The following PPM1E variants were observed in gnomAD, a reference collection of about 807,000 sequenced individuals.
The protein encoded by PPM1E is protein phosphatase 1E.
PPM1E carries 20 observed loss-of-function variants against 65.9 expected under a neutral mutation model. The observed-to-expected ratio is 0.30, with a 90% CI of 0.21 to 0.44. The LOEUF is 0.44. PPM1E is among the 20% of genes least tolerant of loss of function. The pLI is 1.00. For missense variants in PPM1E, 713 were observed against 953.1 expected, an observed-to-expected ratio of 0.75 and a Z score of 3.32; for synonymous variants, 352 against 374.9, an observed-to-expected ratio of 0.94 and a Z score of 0.70.
intron 2 of PPM1E, among the ~76,000 whole-genome samples, chr17:58,964,620 G>C (rs1842954252): frequency 6.6e-6 from 1 of 152,082 alleles, no homozygotes; most frequent in Admixed American, 6.6e-5. Context: ...TTTCTATCTA[G>C]GATCACACGC....
rs2051248068 is a variant in PPM1E, at chr17:58,884,916, A to G, written c.465-70733A>G. Among the ~76,000 whole-genome samples the G allele has an allele frequency of 4.6e-5, 7 of 152,070 alleles. 1 individual carries two copies. The South Asian group carries it at 1.5e-3, about 32-fold the overall frequency. ...TCTTTTCTCTGTCTTATTTTCCTAG[A>G]ACTCCTGTTAGTAAAATATTAATCT... On this transcript the variant is annotated intron_variant, in intron 1 of 6. Coordinates refer to ENST00000308249, the MANE Select transcript of PPM1E (RefSeq NM_014906.5).
chr17:58,969,549 A>G lies in PPM1E; in HGVS notation c.794A>G (p.Glu265Gly). The G allele has an allele frequency of 6.2e-7, 1 of 1,614,186 alleles. No homozygotes were observed. The highest frequency in any genetic ancestry group is 8.5e-7 in the Non-Finnish European group (1 of 1,180,012). ...TGTTTCTGTTGACAGGACCAGGAAG[A>G]ACAAGCTTACTTTGCAGTGTTTGAT... is the stretch of plus-strand genomic sequence containing the variant. ...NMLFNLEDQE[E>G]QAYFAVFDGH... The change falls in exon 4 of 7, where the codon GAA becomes GGA. Residue 265 changes from glutamate (E) to glycine (G), a missense_variant. By Grantham distance (98) the Glu-to-Gly change is moderately conservative. Transcript: ENST00000308249.
chr17:58,875,795 T>C (rs960079328), intron 1 of PPM1E, among the ~76,000 whole-genome samples: 1 of 152,094 alleles, frequency 6.6e-6, no homozygotes, highest in Non-Finnish European at 1.5e-5. Context: ...CCGTGGATAA[T>C]GCAGGAAAGG....
At chr17:58,827,819 G>A (rs1230192427) in intron 1 of PPM1E, among the ~76,000 whole-genome samples, 9 of 144,636 alleles carry the variant, frequency 6.2e-5, no homozygotes, top group South Asian at 4.5e-4. Flanking sequence ...GGAGAATGGC[G>A]TGAACCCGGG....
intron 1 of PPM1E, among the ~76,000 whole-genome samples, chr17:58,793,573 G>A (rs2144260140): frequency 6.6e-6 from 1 of 151,660 alleles, no homozygotes; most frequent in Middle Eastern, 3.4e-3. Context: ...AGCCAGGATG[G>A]TCTCGATCTC....
At chr17:58,802,301 T>G (rs1002583238) in intron 1 of PPM1E, among the ~76,000 whole-genome samples, 1 of 152,216 alleles carries the variant, frequency 6.6e-6, no homozygotes, top group African/African-American at 2.4e-5. Context: ...CCTTTCCCTG[T>G]TGTATCTTCT....
At chr17:58,883,558 A>G (rs2051229298) in intron 1 of PPM1E, among the ~76,000 whole-genome samples, 1 of 136,290 alleles carries the variant, frequency 7.3e-6, no homozygotes, top group African/African-American at 2.8e-5. Context: ...ATCTCGGCTC[A>G]CTGCAAGCTC....
chr17:58,919,187 T>C (rs12938325), intron 1 of PPM1E, among the ~76,000 whole-genome samples: 1 of 152,114 alleles, frequency 6.6e-6, no homozygotes, highest in Non-Finnish European at 1.5e-5. Flanking sequence ...TGGATAGGAA[T>C]AGTCATTGTA....
At chr17:58,838,088 A>G (rs1422739295) in intron 1 of PPM1E, among the ~76,000 whole-genome samples, 6 of 152,260 alleles carry the variant, frequency 3.9e-5, no homozygotes, top group Non-Finnish European at 8.8e-5. Flanking sequence ...TGCATAACTT[A>G]TAAGACTTCT....
intron 1 of PPM1E, among the ~76,000 whole-genome samples, chr17:58,787,020 TTAAA>T (rs1369914185): frequency 1.3e-5 from 2 of 152,210 alleles, no homozygotes; most frequent in Non-Finnish European, 2.9e-5. Context: ...GTAGAGGGTG[TTAAA>T]TAAATTGGCC....
At chr17:58,813,369 G>A (rs1441626042) in intron 1 of PPM1E, among the ~76,000 whole-genome samples, 2 of 152,168 alleles carry the variant, frequency 1.3e-5, no homozygotes, top group African/African-American at 4.8e-5. Flanking sequence ...GTAGAGAAAA[G>A]CTCAATCTAA....
chr17:58,824,939 A>G (rs1181720047), intron 1 of PPM1E, among the ~76,000 whole-genome samples: 2 of 151,762 alleles, frequency 1.3e-5, no homozygotes, highest in East Asian at 3.9e-4. Context: ...GCATTGTATT[A>G]CTGTGGAGAG....
chr17:58,816,828 C>G lies in PPM1E; in HGVS notation c.464+60367C>G, dbSNP rs1346884190. Among the ~76,000 whole-genome samples, 2 of 121,734 alleles carry G rather than the reference C, an allele frequency of 1.6e-5. 1 individual carries two copies. The highest frequency in any genetic ancestry group is 3.2e-5 in the Non-Finnish European group (2 of 62,102). The allele number at this position is 121,734 out of a possible 152,430, so 79.9% of individuals were successfully genotyped here. A position where few individuals can be genotyped will look rare whatever the true frequency, so the allele number is the denominator to read the frequency against. On this transcript the variant is annotated intron_variant, in intron 1 of 6. Coordinates refer to ENST00000308249, the MANE Select transcript of PPM1E (RefSeq NM_014906.5). Reference sequence around the variant, plus strand: ...TTTTTTTTTTTGAGACAGGGTCTTACTCTGTCAGCCAGGTTGGAGTGCAGT... The same window carrying G: ...TTTTTTTTTTTGAGACAGGGTCTTAGTCTGTCAGCCAGGTTGGAGTGCAGT...
chr17:58,977,761 G>T (rs1365078233), intron 6 of PPM1E, among the ~76,000 whole-genome samples: 2 of 151,758 alleles, frequency 1.3e-5, no homozygotes, highest in Admixed American at 1.3e-4. Context: ...ACTTTTTTTT[G>T]AGACAGAGTC....
At chr17:58,761,631 C>T (rs1254490023) in intron 1 of PPM1E, among the ~76,000 whole-genome samples, 1 of 152,146 alleles carries the variant, frequency 6.6e-6, no homozygotes, top group Non-Finnish European at 1.5e-5. Context: ...CCAATAGCCA[C>T]TCCCAACACA....
intron 1 of PPM1E, among the ~76,000 whole-genome samples, chr17:58,861,211 A>G (rs1429078712): frequency 1.3e-5 from 2 of 152,188 alleles, no homozygotes; most frequent in Non-Finnish European, 2.9e-5. Context: ...TTTTCCTGTA[A>G]TTTATCAGCA....
In PPM1E at chr17:58,756,308, C is replaced by G; in HGVS notation, c.311C>G (p.Thr104Arg). ...GAGGAGGAGGAGGAGGGCGCGGCGA[C>G]GGCGGCGGCAGCCCCGGGGCACTCG... The part of the protein sequence containing the change: ...EGEEEEEGAA[T>R]AAAAPGHSAV... Residue 104 changes from threonine to arginine, a missense_variant, in exon 1 of 7, where the codon ACG (threonine) becomes AGG (arginine). Thr to Arg is a moderately conservative substitution (Grantham distance 71). Coordinates refer to ENST00000308249, the MANE Select transcript of PPM1E (RefSeq NM_014906.5). The G allele has an allele frequency of 2.0e-6, 3 of 1,509,148 alleles. No individual in the cohort carries two copies. The highest frequency in any genetic ancestry group is 1.8e-6 in the Non-Finnish European group (2 of 1,129,686). The allele number at this position is 1,509,148 out of a possible 1,614,324, so 93.5% of individuals were successfully genotyped here. A position where few individuals can be genotyped will look rare whatever the true frequency, so the allele number is the denominator to read the frequency against.
intron 1 of PPM1E, among the ~76,000 whole-genome samples, chr17:58,823,746 T>A (rs779230965): frequency 7.2e-5 from 11 of 152,168 alleles, no homozygotes; most frequent in Non-Finnish European, 1.2e-4. Context: ...TTATTTATTT[T>A]TTGAGACAGA....
intron 1 of PPM1E, among the ~76,000 whole-genome samples, chr17:58,906,235 CT>C (rs2051556614): frequency 6.6e-6 from 1 of 152,152 alleles, no homozygotes; most frequent in African/African-American, 2.4e-5. Context: ...GCATCCTCTC[CT>C]TTTTTCTTAG....
Sources: gnomAD v4.1 joint callset for allele counts (sites outside exome capture counted in the v4.1 genomes callset) on GRCh38, gnomAD v4.1.1 for gene constraint, MANE v1.5 for transcripts, NCBI Gene and HGNC (gene_info 2026-07-23, HGNC 2026-07-21) for gene names.